Variants in SVOP observed in about 807,000 individuals in gnomAD.
SVOP encodes synaptic vesicle 2-related protein.
A neutral mutation model predicts 69.1 loss-of-function variants in SVOP; 17 were observed. The observed-to-expected ratio is 0.25, with a 90% confidence interval of 0.17 to 0.37. SVOP has a LOEUF of 0.37. Among genes scored for constraint, SVOP ranks in the 10% least tolerant of loss-of-function variants. SVOP has a pLI of 1.00. For synonymous variants in SVOP, 238 were observed against 238.6 expected, an observed-to-expected ratio of 1.00 and a Z score of 0.02; for missense variants, 435 against 597.5, an observed-to-expected ratio of 0.73 and a Z score of 2.84.
intron 6 of SVOP, among the ~76,000 whole-genome samples, chr12:108,945,557 AATT>A (rs1156935502): frequency 6.6e-6 from 1 of 151,552 alleles, no homozygotes; most frequent in African/African-American, 2.4e-5. Flanking sequence ...ACTCCTGGCT[AATT>A]ATTATTATTA....
At chr12:108,915,065 C>T (rs568132810) in intron 15 of SVOP, among the ~76,000 whole-genome samples, 1 of 149,956 alleles carries the variant, frequency 6.7e-6, no homozygotes, top group East Asian at 2.0e-4. Flanking sequence ...CCCAGCTACT[C>T]GGGAGGCTGA....
At chr12:108,944,568 T>A (rs372463505) in intron 7 of SVOP, among the ~76,000 whole-genome samples, 18 of 152,152 alleles carry the variant, frequency 1.2e-4, no homozygotes, top group African/African-American at 3.9e-4. Context: ...CTGCATGAAG[T>A]GGGGAGTCAT....
At chr12:109,012,139 C>T (rs2040345144) in intron 1 of SVOP, among the ~76,000 whole-genome samples, 1 of 152,074 alleles carries the variant, frequency 6.6e-6, no homozygotes, top group East Asian at 1.9e-4. Context: ...AAAAATTAGC[C>T]GAGTGCAGTG....
intron 5 of SVOP, among the ~76,000 whole-genome samples, chr12:108,967,942 C>T (rs568041445): frequency 1.3e-5 from 2 of 152,322 alleles, no homozygotes; most frequent in South Asian, 4.1e-4. Flanking sequence ...TGAGGCCCTT[C>T]ACAAACATGA....
At chr12:109,006,407 G>C (rs1443579547) in intron 1 of SVOP, among the ~76,000 whole-genome samples, 1 of 152,086 alleles carries the variant, frequency 6.6e-6, no homozygotes, top group Non-Finnish European at 1.5e-5. Context: ...GCAAGGCTGA[G>C]AAATCACGAG....
chr12:108,977,857 G>A (rs2040115685), intron 3 of SVOP, among the ~76,000 whole-genome samples: 4 of 152,196 alleles, frequency 2.6e-5, no homozygotes, highest in Admixed American at 2.6e-4. Context: ...AGACTAGCTT[G>A]TCTTTGGCTT....
rs1281938919 is a variant in SVOP at position 108,983,747 on chromosome 12, C to T, written c.50G>A (p.Arg17His). The T allele has an allele frequency of 2.8e-5, 11 of 398,658 alleles. No individual in the cohort carries two copies. Among genetic ancestry groups the T allele is most frequent in the Non-Finnish European group, 2.2e-5 (5 of 226,202 alleles). 24.7% of individuals were successfully genotyped at this position (398,658 alleles called of 1,614,324 possible). A position where few individuals can be genotyped will look rare whatever the true frequency, so the allele number is the denominator to read the frequency against. ...QLRQLPVVKFRRTGESARSED... is the reference protein window; with the variant it reads ...QLRQLPVVKFHRTGESARSED... ...TGACCTTGCACTCTCGCCTGTGCGA[C>T]GGAATTTCACAACCCTAGAGAACAG... The change falls in exon 2 of 16, where the codon CGT (arginine) becomes CAT (histidine). Residue 17 changes from arginine (R) to histidine (H), a missense_variant. By Grantham distance (29) the Arg-to-His change is conservative. Coordinates refer to ENST00000610966, the MANE Select transcript of SVOP (RefSeq NM_018711.5).
chr12:108,996,119 G>T (rs1435962518), intron 1 of SVOP, among the ~76,000 whole-genome samples: 3 of 152,084 alleles, frequency 2.0e-5, no homozygotes, highest in African/African-American at 7.2e-5. Context: ...TATAATCCTG[G>T]CATTTTGAGT....
At chr12:108,935,770 A>G (rs1229264627) in intron 10 of SVOP, among the ~76,000 whole-genome samples, 1 of 152,190 alleles carries the variant, frequency 6.6e-6, no homozygotes, top group African/African-American at 2.4e-5. Flanking sequence ...GACTTGAAAG[A>G]TGACTGCAGC....
intron 4 of SVOP, among the ~76,000 whole-genome samples, chr12:108,972,824 A>G (rs1368146772): frequency 1.3e-5 from 2 of 152,222 alleles, no homozygotes; most frequent in Non-Finnish European, 2.9e-5. Context: ...ATCCCAAAGA[A>G]ACACTTGCCC....
rs1408870637 is a variant in SVOP, at chr12:108,961,034, C to G, written c.467G>C (p.Ser156Thr). The G allele has an allele frequency of 2.6e-6, 4 of 1,535,926 alleles. No homozygotes were observed. The highest frequency in any genetic ancestry group is 3.5e-6 in the Non-Finnish European group (4 of 1,146,132). Residue 156 changes from serine (S) to threonine (T), a missense_variant, in exon 6 of 16, where the codon AGC becomes ACC. Transcript: ENST00000610966. ...QYGRKTGLKISVLWTLYYGIL... is the reference protein window; with the variant it reads ...QYGRKTGLKITVLWTLYYGIL... ...GCCATAGTACAGAGTCCACAGCACG[C>G]TGATCTTCAGCCCCTGAAGAGAAGG...
rs765117845 is a variant in SVOP, at chr12:108,912,694, G to A, written c.1488C>T (p.Gly496=). ...SVYLTLAVYS[G]CCLLAALASC... is the part of the protein sequence containing the mutation. ...AGGCCAGGGCAGCCAGGAGGCAGCA[G>A]CCACTGTAAACTGCCAGAGTCAGGT... The change falls in exon 16 of 16, where the codon GGC becomes GGT. Residue 496 remains glycine (G), a synonymous_variant. Transcript: ENST00000610966. 1 of 1,613,958 alleles carries A rather than the reference G, an allele frequency of 6.2e-7. No homozygotes were observed. The highest frequency in any genetic ancestry group is 1.1e-5 in the South Asian group (1 of 91,090).
At chr12:108,969,367 C>T (rs1301402487) in intron 5 of SVOP, among the ~76,000 whole-genome samples, 2 of 114,950 alleles carry the variant, frequency 1.7e-5, no homozygotes, top group Non-Finnish European at 3.5e-5. Context: ...TTCTTCTTTC[C>T]CCCTTTCCTT....
intron 1 of SVOP, among the ~76,000 whole-genome samples, chr12:109,016,703 C>T (rs1303965116): frequency 6.6e-6 from 1 of 151,994 alleles, no homozygotes; most frequent in African/African-American, 2.4e-5. Flanking sequence ...TACCCACCTC[C>T]CATCTAAAAC....
intron 1 of SVOP, among the ~76,000 whole-genome samples, chr12:108,994,847 G>A (rs1411165325): frequency 1.3e-5 from 2 of 152,068 alleles, no homozygotes; most frequent in African/African-American, 4.8e-5. Context: ...CTTTTTAAAT[G>A]TTTTTACAGC....
intron 10 of SVOP, among the ~76,000 whole-genome samples, chr12:108,935,595 C>A (rs1244046407): frequency 6.6e-6 from 1 of 152,146 alleles, no homozygotes; most frequent in African/African-American, 2.4e-5. Flanking sequence ...AAGCTTTTTT[C>A]TCCTCTTCCC....
At chr12:109,003,537 T>G (rs1183011724) in intron 1 of SVOP, among the ~76,000 whole-genome samples, 1 of 152,226 alleles carries the variant, frequency 6.6e-6, no homozygotes, top group African/African-American at 2.4e-5. Flanking sequence ...AAGTCACCTC[T>G]CTACCTTGAG....
chr12:108,958,850 G>T (rs1424669485), intron 6 of SVOP, among the ~76,000 whole-genome samples: 1 of 152,070 alleles, frequency 6.6e-6, no homozygotes, highest in Non-Finnish European at 1.5e-5. Flanking sequence ...GCCCCAATCT[G>T]AAACACCTCT....
rs149866346 is a variant in SVOP, at chr12:108,937,618, C to T, written c.898-281G>A. The stretch of plus-strand genomic sequence containing the variant: ...GAAGCAGATCCCTCCTTCCTGGCCC[C>T]TCAGACCTCAGCACAGATCCAAGGA... On this transcript the variant is annotated intron_variant, in intron 9 of 15. Transcript: ENST00000610966. Among the ~76,000 whole-genome samples the T allele has an allele frequency of 3.8e-3, 585 of 152,206 alleles. 2 individuals are homozygous for T. Among genetic ancestry groups the T allele is most frequent in the African/African-American group, 0.013 (550 of 41,536 alleles).
Sources: gnomAD v4.1 joint callset for allele counts (sites outside exome capture counted in the v4.1 genomes callset) on GRCh38, gnomAD v4.1.1 for gene constraint, MANE v1.5 for transcripts, NCBI Gene and HGNC (gene_info 2026-07-23, HGNC 2026-07-21) for gene names.